ARHGAP32: variants seen among roughly 807,000 people sequenced by gnomAD.
ARHGAP32 encodes the protein rho GTPase-activating protein 32.
Under a neutral mutation model 186.5 loss-of-function variants are expected in ARHGAP32, and 51 were observed. That is an observed-to-expected ratio of 0.27 (90% confidence interval 0.22 to 0.35). The LOEUF (loss-of-function observed/expected upper bound fraction) is 0.35, where lower values mean the gene tolerates loss of function less well. Among genes scored for constraint, ARHGAP32 ranks in the 10% least tolerant of loss-of-function variants. The pLI is 1.00. For missense variants in ARHGAP32, 2,186 were observed against 2,623.5 expected (o/e 0.83, Z 3.64); for synonymous variants, 950 against 964.3 (o/e 0.99, Z 0.27).
chr11:128,977,851 TTTATTATTATTA>T lies in ARHGAP32; in HGVS notation c.2122+907_2122+918del, dbSNP rs58982581. 5.0e-3 allele frequency among the ~76,000 whole-genome samples: 689 copies of T among 138,956 alleles called. 3 individuals carry two copies. Among genetic ancestry groups the T allele is most frequent in the East Asian group, 0.016 (74 of 4,770 alleles). 91.2% of individuals were successfully genotyped at this position (138,956 alleles called of 152,430 possible). A position where few individuals can be genotyped will look rare whatever the true frequency, so the allele number is the denominator to read the frequency against. ...GCCACCAAGCCTCGCTTATTTGCAA[TTTATTATTATTA>T]TTATTATTATTATTATTATTATTAT... On this transcript the variant is annotated intron_variant, in intron 19 of 22. Transcript: ENST00000682385.
rs545439533 is a variant in ARHGAP32 at position 128,988,259 on chromosome 11, A to T, written c.1196-134T>A. The stretch of plus-strand genomic sequence containing the variant: ...TTAAAGTTAAAAGGAGCAAAAATTA[A>T]TCCACTACAAAAAATGATGAGGGTA... On this transcript the variant is annotated intron_variant, in intron 12 of 22. Transcript: ENST00000682385. 3 of 609,488 alleles carry T rather than the reference A, an allele frequency of 4.9e-6. No individual in the cohort carries two copies. In the East Asian group the frequency reaches 8.3e-5, roughly 17 times the overall value. 37.8% of individuals were successfully genotyped at this position (609,488 alleles called of 1,614,324 possible).
At chr11:129,097,345 G>A in intron 5 of ARHGAP32, among the ~76,000 whole-genome samples, 1 of 152,058 alleles carries the variant, frequency 6.6e-6, no homozygotes, top group East Asian at 1.9e-4. Flanking sequence ...AACTGTTTCT[G>A]AAAAAGATCT....
intron 15 of ARHGAP32, among the ~76,000 whole-genome samples, chr11:128,984,812 A>G (rs1354806689): frequency 5.9e-5 from 9 of 152,160 alleles, no homozygotes; most frequent in African/African-American, 2.2e-4. Context: ...TGCAGAAGAT[A>G]TAAAACATAT....
chr11:129,132,267 C>T (rs562150560), intron 2 of ARHGAP32, among the ~76,000 whole-genome samples: 15 of 152,272 alleles, frequency 9.9e-5, no homozygotes, highest in Admixed American at 7.8e-4. Flanking sequence ...TCGCTTGAAT[C>T]CAGCAGTTTG....
At chr11:129,125,884 G>T in intron 2 of ARHGAP32, 1 of 443,490 alleles carries the variant, frequency 2.3e-6, no homozygotes, top group Non-Finnish European at 4.5e-6. Flanking sequence ...CTCCTTCTTA[G>T]AGGTCTCCCA....
intron 12 of ARHGAP32, among the ~76,000 whole-genome samples, chr11:128,992,411 G>T (rs1229436893): frequency 6.6e-6 from 1 of 150,918 alleles, no homozygotes; most frequent in African/African-American, 2.4e-5. Flanking sequence ...ACCAGAAAAA[G>T]AAATTAACGT....
intron 5 of ARHGAP32, among the ~76,000 whole-genome samples, chr11:129,121,228 C>T (rs1855138161): frequency 6.6e-6 from 1 of 151,598 alleles, no homozygotes; most frequent in Non-Finnish European, 1.5e-5. Flanking sequence ...AATGTAAAAC[C>T]TTATACTAGC....
chr11:129,019,078 C>G (rs533811168), intron 11 of ARHGAP32, among the ~76,000 whole-genome samples: 1 of 152,182 alleles, frequency 6.6e-6, no homozygotes, highest in East Asian at 1.9e-4. Context: ...TAAACCCAGC[C>G]AAGTTTTGTT....
intron 10 of ARHGAP32, among the ~76,000 whole-genome samples, chr11:129,044,926 C>G (rs550602661): frequency 1.1e-4 from 16 of 151,844 alleles, no homozygotes; most frequent in African/African-American, 3.6e-4. Context: ...CCCACAAAGA[C>G]TGAACAAAGA....
chr11:128,968,784 TATC>T lies in ARHGAP32; in HGVS notation c.*120_*122del. On this transcript the variant is annotated 3_prime_UTR_variant, in exon 23 of 23. Coordinates refer to ENST00000682385, the MANE Select transcript of ARHGAP32 (RefSeq NM_001378024.1). ...AAGATGCTGATTTGTTTACTTTTAT[TATC>T]ATTTTTTAAATGTGGTCAGGGGTTT... The T allele has an allele frequency of 1.3e-6, 1 of 762,026 alleles. No homozygotes were observed. Among genetic ancestry groups the T allele is most frequent in the Non-Finnish European group, 1.8e-6 (1 of 540,864 alleles). 47.2% of individuals were successfully genotyped at this position (762,026 alleles called of 1,614,324 possible).
At chr11:129,074,146 T>C (rs912607940) in intron 6 of ARHGAP32, among the ~76,000 whole-genome samples, 2 of 152,082 alleles carry the variant, frequency 1.3e-5, no homozygotes, top group African/African-American at 4.8e-5. Flanking sequence ...ACATAAAGAA[T>C]GGAAAAGTAA....
At chr11:129,137,785 G>T (rs547921205) in intron 2 of ARHGAP32, among the ~76,000 whole-genome samples, 1 of 152,174 alleles carries the variant, frequency 6.6e-6, no homozygotes, top group African/African-American at 2.4e-5. Flanking sequence ...GTCACATGCA[G>T]ATGATGTATT....
chr11:129,004,879 G>A (rs571840326), intron 11 of ARHGAP32, among the ~76,000 whole-genome samples: 19 of 151,830 alleles, frequency 1.3e-4, no homozygotes, highest in Non-Finnish European at 2.8e-4. Context: ...TGTTATTATC[G>A]GTAAGTTCAG....
At chr11:129,117,788 C>T (rs1040087035) in intron 5 of ARHGAP32, among the ~76,000 whole-genome samples, 2 of 151,648 alleles carry the variant, frequency 1.3e-5, no homozygotes, top group African/African-American at 4.8e-5. Flanking sequence ...CACTAGATGG[C>T]GGTACAACAC....
At position 129,123,777 on chromosome 11, in the gene ARHGAP32, G is replaced by A. The variant is rs12287271; in HGVS notation, c.359+111C>T. On this transcript the variant is annotated intron_variant, in intron 4 of 22. Coordinates refer to ENST00000682385, the MANE Select transcript of ARHGAP32 (RefSeq NM_001378024.1). This position sits in a 1 kb window ranked among gnomAD's most constrained non-coding sequence, Gnocchi z 4.6. ...CACCGTTATCTCCTAATTTTGACCC[G>A]AATCAATGTCCATAGAAAAACTGCT... 1.6e-3 allele frequency: 1,540 copies of A among 937,922 alleles called. 8 individuals carry two copies. In the African/African-American group the frequency reaches 0.021, roughly 13 times the overall value. 58.1% of individuals were successfully genotyped at this position (937,922 alleles called of 1,614,324 possible).
intron 1 of ARHGAP32, among the ~76,000 whole-genome samples, chr11:129,240,502 TCA>T (rs1429253818): frequency 2.0e-5 from 3 of 152,190 alleles, no homozygotes; most frequent in Non-Finnish European, 4.4e-5. Flanking sequence ...TTCAATAAAT[TCA>T]CACAGTACCT....
chr11:129,135,292 T>C (rs1006430713), intron 2 of ARHGAP32, among the ~76,000 whole-genome samples: 3 of 152,166 alleles, frequency 2.0e-5, no homozygotes, highest in African/African-American at 7.2e-5. Flanking sequence ...GTATAATAAC[T>C]AAGACAGTGT....
intron 1 of ARHGAP32, among the ~76,000 whole-genome samples, chr11:129,217,771 A>T (rs1451039677): frequency 1.3e-5 from 2 of 152,234 alleles, no homozygotes; most frequent in Non-Finnish European, 2.9e-5. Context: ...TAAATACACC[A>T]GTCAAAGAAA....
intron 10 of ARHGAP32, among the ~76,000 whole-genome samples, chr11:129,042,595 GT>G (rs983449559): frequency 6.6e-6 from 1 of 152,070 alleles, no homozygotes; most frequent in Non-Finnish European, 1.5e-5. Flanking sequence ...ATGGGACATG[GT>G]TAACAGCGTA....
Sources: allele counts gnomAD v4.1 joint callset (sites outside exome capture counted in the v4.1 genomes callset), GRCh38; gene constraint gnomAD v4.1.1; non-coding constraint Gnocchi (gnomAD v3.1); transcripts MANE v1.5; gene names NCBI Gene and HGNC (gene_info 2026-07-23, HGNC 2026-07-21).